RBM47: variants seen among roughly 807,000 people sequenced by gnomAD.
RBM47 encodes the protein RNA-binding protein 47.
A neutral mutation model predicts 47.1 loss-of-function variants in RBM47; 21 were observed. The ratio of observed to expected loss-of-function variants is 0.45; its 90% CI spans 0.32 to 0.64. The LOEUF is 0.64. RBM47 is among the 30% of genes least tolerant of loss of function. The pLI is 0.05. For missense variants in RBM47, 708 were observed against 870.9 expected, an observed-to-expected ratio of 0.81 and a Z score of 2.35; for synonymous variants, 375 against 361.7, an observed-to-expected ratio of 1.04 and a Z score of -0.42.
intron 2 of RBM47, among the ~76,000 whole-genome samples, chr4:40,528,111 C>T (rs1726930913): frequency 6.6e-6 from 1 of 152,210 alleles, no homozygotes; most frequent in African/African-American, 2.4e-5. Flanking sequence ...GCGAAGATTA[C>T]TGCCCATAGA....
At chr4:40,427,807 A>T (rs1715269961) in intron 6 of RBM47, among the ~76,000 whole-genome samples, 1 of 152,118 alleles carries the variant, frequency 6.6e-6, no homozygotes, top group Admixed American at 6.5e-5. Flanking sequence ...AGGAACTTCT[A>T]GCCTAAGATT....
intron 2 of RBM47, among the ~76,000 whole-genome samples, chr4:40,474,980 A>G (rs6447126): frequency 0.2 from 31,183 of 152,160 alleles, 3,508 homozygotes; most frequent in African/African-American, 0.28. Context: ...AGAAATGACT[A>G]AAGATTCTAC....
rs1281024982 is a variant in RBM47, at chr4:40,423,689, TTTC to T, written c.*2212_*2214del. The T allele has an allele frequency of 2.7e-3, 286 of 104,950 alleles. 2 individuals carry two copies. Among genetic ancestry groups the T allele is most frequent in the African/African-American group, 0.014 (269 of 19,458 alleles). 6.5% of individuals were successfully genotyped at this position (104,950 alleles called of 1,614,324 possible). A position where few individuals can be genotyped will look rare whatever the true frequency, so the allele number is the denominator to read the frequency against. ...CTTTCTTTCTTTCTTTCTTTCTTTCTTTCTTTCTTTCTTTCTTTCTTTCTTTTC... is the reference window on the plus strand; with the variant it reads ...CTTTCTTTCTTTCTTTCTTTCTTTCTTTTCTTTCTTTCTTTCTTTCTTTTC... On this transcript the variant is annotated 3_prime_UTR_variant, in exon 7 of 7. Coordinates refer to ENST00000295971, the MANE Select transcript of RBM47 (RefSeq NM_001098634.2).
intron 3 of RBM47, among the ~76,000 whole-genome samples, chr4:40,450,607 G>GA (rs199612032): frequency 1.3e-4 from 20 of 148,526 alleles, no homozygotes; most frequent in East Asian, 5.9e-4. Context: ...TCTCAAAAAA[G>GA]AAAAAAAAAA....
intron 1 of RBM47, among the ~76,000 whole-genome samples, chr4:40,617,891 T>C (rs1017959741): frequency 1.3e-5 from 2 of 152,108 alleles, no homozygotes; most frequent in Non-Finnish European, 2.9e-5. Context: ...ATCACATACT[T>C]TATATTTGCC....
intron 1 of RBM47, among the ~76,000 whole-genome samples, chr4:40,593,040 G>A (rs1463744053): frequency 8.5e-6 from 1 of 118,230 alleles, no homozygotes; most frequent in Non-Finnish European, 1.6e-5. Context: ...CTGTCGCCCA[G>A]GCTGGAGTCC....
intron 1 of RBM47, among the ~76,000 whole-genome samples, chr4:40,609,050 G>T (rs1354352862): frequency 6.6e-6 from 1 of 152,042 alleles, no homozygotes; most frequent in Non-Finnish European, 1.5e-5. Context: ...CTGGAGTGCG[G>T]TGGCATGATC....
At chr4:40,569,008 TAGATAGATA>T (rs1731400032) in intron 1 of RBM47, among the ~76,000 whole-genome samples, 1 of 135,202 alleles carries the variant, frequency 7.4e-6, no homozygotes. Flanking sequence ...GATAGATAGA[TAGATAGATA>T]GACAGACAGA....
At chr4:40,465,830 T>A (rs1327507656) in intron 3 of RBM47, among the ~76,000 whole-genome samples, 1 of 152,128 alleles carries the variant, frequency 6.6e-6, no homozygotes, top group Non-Finnish European at 1.5e-5. Context: ...TATTTTTACC[T>A]CATATGACAG....
intron 1 of RBM47, among the ~76,000 whole-genome samples, chr4:40,571,788 G>A (rs115152901): frequency 0.14 from 20,505 of 151,734 alleles, 1,738 homozygotes; most frequent in Admixed American, 0.19. Context: ...GGGAGGCTGA[G>A]GCAGGCGGTC....
At chr4:40,619,058 A>G (rs1161190717) in intron 1 of RBM47, among the ~76,000 whole-genome samples, 1 of 152,086 alleles carries the variant, frequency 6.6e-6, no homozygotes, top group African/African-American at 2.4e-5. Context: ...GACTCAGACC[A>G]TAACAGAGGC....
intron 2 of RBM47, among the ~76,000 whole-genome samples, chr4:40,530,919 G>A (rs1422703885): frequency 6.6e-6 from 1 of 152,136 alleles, no homozygotes; most frequent in Non-Finnish European, 1.5e-5. Context: ...GGGCAACATA[G>A]TGAGACCTGT....
chr4:40,524,781 C>T (rs1447778903), intron 2 of RBM47, among the ~76,000 whole-genome samples: 4 of 152,164 alleles, frequency 2.6e-5, no homozygotes, highest in Non-Finnish European at 5.9e-5. Flanking sequence ...TCACCACGCT[C>T]GGCTAATGCT....
chr4:40,453,167 G>T (rs922178270), intron 3 of RBM47, among the ~76,000 whole-genome samples: 1 of 151,986 alleles, frequency 6.6e-6, no homozygotes, highest in African/African-American at 2.4e-5. Flanking sequence ...ATAATTAATA[G>T]CGATAAATAC....
chr4:40,509,603 C>T (rs752560643), intron 2 of RBM47, among the ~76,000 whole-genome samples: 1 of 152,114 alleles, frequency 6.6e-6, no homozygotes, highest in East Asian at 1.9e-4. Context: ...GAAACTGGGC[C>T]GGGCGCGGTG....
intron 6 of RBM47, among the ~76,000 whole-genome samples, chr4:40,430,913 T>C (rs1721721398): frequency 6.6e-6 from 1 of 151,884 alleles, no homozygotes. Flanking sequence ...ATAGCAAGAC[T>C]TTGTCCCTAC....
At chr4:40,557,489 C>T (rs969028564) in intron 1 of RBM47, among the ~76,000 whole-genome samples, 1 of 152,288 alleles carries the variant, frequency 6.6e-6, no homozygotes, top group Admixed American at 6.5e-5. Flanking sequence ...TGGCTCATGC[C>T]TGTAATCCCA....
intron 2 of RBM47, among the ~76,000 whole-genome samples, chr4:40,501,603 T>C (rs1411529184): frequency 1.3e-5 from 2 of 152,246 alleles, no homozygotes; most frequent in Non-Finnish European, 2.9e-5. Context: ...CAAATTTAAA[T>C]AACTGCACTG....
chr4:40,485,182 G>A (rs1720912330), intron 2 of RBM47, among the ~76,000 whole-genome samples: 1 of 152,114 alleles, frequency 6.6e-6, no homozygotes, highest in South Asian at 2.1e-4. Flanking sequence ...ACTAACATGG[G>A]TGCTCAATAA....
Sources: gnomAD v4.1 joint callset for allele counts (sites outside exome capture counted in the v4.1 genomes callset) on GRCh38, gnomAD v4.1.1 for gene constraint, MANE v1.5 for transcripts, NCBI Gene and HGNC (gene_info 2026-07-23, HGNC 2026-07-21) for gene names.